MAST2: variants seen among roughly 807,000 people sequenced by gnomAD.
MAST2 encodes microtubule-associated serine/threonine-protein kinase 2.
In MAST2, 70 loss-of-function variants were observed where a neutral mutation model predicts 147.4. The ratio of observed to expected loss-of-function variants is 0.47; its 90% CI spans 0.39 to 0.58. The LOEUF (loss-of-function observed/expected upper bound fraction) is 0.58, where lower values mean the gene tolerates loss of function less well. Ranked by LOEUF, MAST2 falls within the 20% of genes least tolerant of loss-of-function variation. The probability of loss-of-function intolerance (pLI) is 0.00; values close to 1 mark genes in which losing one functional copy is unlikely to be tolerated. For synonymous variants in MAST2, 869 were observed against 896.8 expected (o/e 0.97, Z 0.55); for missense variants, 2,080 against 2,302.3 (o/e 0.90, Z 1.98).
At chr1:45,805,376 C>T (rs1644111285) in intron 1 of MAST2, among the ~76,000 whole-genome samples, 1 of 152,140 alleles carries the variant, frequency 6.6e-6, no homozygotes. Context: ...TGGACTTTTC[C>T]CCCCTTTTGT....
chr1:45,867,519 T>G (rs1184179857), intron 3 of MAST2, among the ~76,000 whole-genome samples: 1 of 151,496 alleles, frequency 6.6e-6, no homozygotes, highest in Non-Finnish European at 1.5e-5. Context: ...GTTCTAGTCA[T>G]ATAACCACAG....
Position 46,030,249 on chromosome 1 carries a change from G to A in MAST2, c.2553+11G>A. 6.2e-7 allele frequency: 1 copy of A among 1,612,936 alleles called. No individual in the cohort carries two copies. Among genetic ancestry groups the A allele is most frequent in the Non-Finnish European group, 8.5e-7 (1 of 1,179,204 alleles). ...CCAAGGTTCAACAAGGTGTGACTGA[G>A]GAGGCCCAGAATGGGCAGAACAGGC... On this transcript the variant is annotated intron_variant, in intron 21 of 28. Coordinates refer to ENST00000361297, the MANE Select transcript of MAST2 (RefSeq NM_015112.3).
intron 4 of MAST2, among the ~76,000 whole-genome samples, chr1:45,912,147 AG>A (rs1399547906): frequency 2.0e-5 from 3 of 152,032 alleles, no homozygotes; most frequent in Non-Finnish European, 4.4e-5. Context: ...TGAAAAAAAG[AG>A]GGTGCTGAGA....
At chr1:45,921,545 T>C (rs1653490343) in intron 4 of MAST2, among the ~76,000 whole-genome samples, 1 of 152,124 alleles carries the variant, frequency 6.6e-6, no homozygotes, top group Admixed American at 6.5e-5. Context: ...CTGCACGCAG[T>C]CAGGCATGCC....
intron 5 of MAST2, among the ~76,000 whole-genome samples, chr1:45,969,492 G>A (rs773810218): frequency 6.2e-4 from 95 of 152,168 alleles, no homozygotes; most frequent in Non-Finnish European, 1.2e-3. Flanking sequence ...TCACATTACC[G>A]CCTGAGCTCT....
At chr1:45,922,295 T>C (rs940348122) in intron 4 of MAST2, among the ~76,000 whole-genome samples, 2 of 152,220 alleles carry the variant, frequency 1.3e-5, no homozygotes, top group African/African-American at 4.8e-5. Flanking sequence ...CTTCAGGCTT[T>C]CCCTGGCTTG....
rs1407180498 is a variant in MAST2, at chr1:46,006,385, C to T, written c.892C>T (p.Arg298Trp). ...RQSPAMRPRS[R>W]SLSPGRSPVS... Reference sequence around the variant, plus strand: ...GTCCCCAGCCATGCGGCCTCGCTCCCGGAGCCTCAGGTGAGGGTGCTCTCT... The same window carrying T: ...GTCCCCAGCCATGCGGCCTCGCTCCTGGAGCCTCAGGTGAGGGTGCTCTCT... The change falls in exon 8 of 29, where the codon CGG (arginine) becomes TGG (tryptophan). Residue 298 changes from arginine to tryptophan, a missense_variant. Around this residue, in one of 4 missense-constraint regions of MAST2, gnomAD observed 569 missense variants for 642.5 expected, o/e 0.89. Coordinates refer to ENST00000361297, the MANE Select transcript of MAST2 (RefSeq NM_015112.3). 6.2e-6 allele frequency: 10 copies of T among 1,612,144 alleles called. No individual in the cohort carries two copies. Among genetic ancestry groups the T allele is most frequent in the Admixed American group, 5.0e-5 (3 of 59,806 alleles).
chr1:45,856,991 G>A (rs1557837826), intron 3 of MAST2, among the ~76,000 whole-genome samples: 1 of 152,074 alleles, frequency 6.6e-6, no homozygotes, highest in Non-Finnish European at 1.5e-5. Context: ...AATATGTTCA[G>A]TATCTCAAAC....
chr1:45,963,295 G>T (rs1351568456), intron 5 of MAST2, among the ~76,000 whole-genome samples: 1 of 152,150 alleles, frequency 6.6e-6, no homozygotes, highest in Non-Finnish European at 1.5e-5. Flanking sequence ...TTCCAATTCT[G>T]TGAAGAAAGT....
chr1:46,031,167 G>C lies in MAST2; in HGVS notation c.2869G>C (p.Gly957Arg), dbSNP rs776950012. Residue 957 changes from glycine (G) to arginine (R), a missense_variant, in exon 23 of 29, where the codon GGT (glycine) becomes CGT (arginine). Coordinates refer to ENST00000361297, the MANE Select transcript of MAST2 (RefSeq NM_015112.3). This position sits in a 1 kb window ranked among gnomAD's most constrained non-coding sequence, Gnocchi z 4.1. The stretch of plus-strand genomic sequence containing the variant: ...CACCCTCAGGAGGCAACCACAGGAG[G>C]GTATATGGGTCCTGACACCCCCATC... ...SSTLRRQPQEGIWVLTPPSGE... is the reference protein window; with the variant it reads ...SSTLRRQPQERIWVLTPPSGE... The C allele has an allele frequency of 6.3e-7, 1 of 1,595,900 alleles. No individual in the cohort carries two copies. Among genetic ancestry groups the C allele is most frequent in the Non-Finnish European group, 8.6e-7 (1 of 1,167,512 alleles).
At chr1:45,877,613 TCTTA>T (rs1646661707) in intron 3 of MAST2, among the ~76,000 whole-genome samples, 1 of 152,166 alleles carries the variant, frequency 6.6e-6, no homozygotes, top group Admixed American at 6.5e-5. Context: ...TATAGGCCAG[TCTTA>T]CTTATTAACA....
In MAST2 at chr1:45,803,677, G is replaced by T. The variant is rs1167214899; in HGVS notation, c.-219G>T. The stretch of plus-strand genomic sequence containing the variant: ...CGTGTGCTGGGTGGGAGAAGGCGAG[G>T]CGTCAGCGATGCTGTCTCTTCCGTG... On this transcript the variant is annotated 5_prime_UTR_variant, in exon 1 of 29. Coordinates refer to ENST00000361297, the MANE Select transcript of MAST2 (RefSeq NM_015112.3). 1 of 324,124 alleles carries T rather than the reference G, an allele frequency of 3.1e-6. No individual in the cohort carries two copies. The highest frequency in any genetic ancestry group is 2.2e-5 in the African/African-American group (1 of 45,338). 20.1% of individuals were successfully genotyped at this position (324,124 alleles called of 1,614,324 possible).
chr1:45,978,472 C>T (rs1045393513), intron 5 of MAST2, among the ~76,000 whole-genome samples: 2 of 151,890 alleles, frequency 1.3e-5, no homozygotes, highest in Admixed American at 6.6e-5. Context: ...GCAAAGATCA[C>T]GGCACTGCAC....
chr1:46,034,285 A>G lies in MAST2; in HGVS notation c.3868+19A>G, dbSNP rs1216878587. 1 of 1,601,082 alleles carries G rather than the reference A, an allele frequency of 6.2e-7. No individual in the cohort carries two copies. The highest frequency in any genetic ancestry group is 1.3e-5 in the African/African-American group (1 of 74,708). ...CATTCAGGTACGAAGGGCTCCCTGCAGATCAGTGACAACCCCTGGGAAATA... is the reference window on the plus strand; with the variant it reads ...CATTCAGGTACGAAGGGCTCCCTGCGGATCAGTGACAACCCCTGGGAAATA... On this transcript the variant is annotated intron_variant, in intron 28 of 28. Transcript: ENST00000361297.
At chr1:45,833,885 A>G (rs1165219950) in intron 3 of MAST2, among the ~76,000 whole-genome samples, 3 of 148,494 alleles carry the variant, frequency 2.0e-5, no homozygotes, top group Non-Finnish European at 4.5e-5. Context: ...TTTTTTCCTG[A>G]GCTACTTATT....
intron 3 of MAST2, among the ~76,000 whole-genome samples, chr1:45,862,630 T>G (rs1313820138): frequency 6.6e-6 from 1 of 152,054 alleles, no homozygotes; most frequent in Non-Finnish European, 1.5e-5. Flanking sequence ...CCATCATGCC[T>G]GGCTAATTTT....
At chr1:45,846,550 G>A (rs1009361017) in intron 3 of MAST2, among the ~76,000 whole-genome samples, 4 of 152,052 alleles carry the variant, frequency 2.6e-5, no homozygotes, top group Non-Finnish European at 5.9e-5. Flanking sequence ...GGCCAGGTGC[G>A]GTGGCTCATA....
chr1:46,006,898 G>A (rs1021683983), intron 8 of MAST2, among the ~76,000 whole-genome samples: 1 of 152,236 alleles, frequency 6.6e-6, no homozygotes, highest in Non-Finnish European at 1.5e-5. Flanking sequence ...CATTGGCCCT[G>A]GGTGTATGAT....
chr1:45,994,503 C>G, intron 5 of MAST2, among the ~76,000 whole-genome samples: 1 of 151,682 alleles, frequency 6.6e-6, no homozygotes, highest in East Asian at 1.9e-4. Flanking sequence ...GCCAGGCTGG[C>G]CTTGAACCCC....
Sources: allele counts gnomAD v4.1 joint callset (sites outside exome capture counted in the v4.1 genomes callset), GRCh38; gene constraint gnomAD v4.1.1; regional missense constraint gnomAD v4.1.1; non-coding constraint Gnocchi (gnomAD v3.1); transcripts MANE v1.5; gene names NCBI Gene and HGNC (gene_info 2026-07-23, HGNC 2026-07-21).